Variants in DGKI observed in about 807,000 individuals in gnomAD.
DGKI encodes DAG kinase iota.
In DGKI, 55 loss-of-function variants were observed where a neutral mutation model predicts 147.5. The observed-to-expected ratio is 0.37, with a 90% CI of 0.30 to 0.47. DGKI has a LOEUF of 0.47. Ranked by LOEUF, DGKI falls within the 20% of genes least tolerant of loss-of-function variation. The pLI is 1.00. For synonymous variants in DGKI, 469 were observed against 477.1 expected (o/e 0.98, Z 0.22); for missense variants, 1,007 against 1,323.8 (o/e 0.76, Z 3.71).
chr7:137,714,276 C>CT (rs970084359), intron 1 of DGKI, among the ~76,000 whole-genome samples: 5 of 151,738 alleles, frequency 3.3e-5, no homozygotes, highest in African/African-American at 1.2e-4. Flanking sequence ...TTTTCTTTTC[C>CT]TTTCAAGGTT....
intron 1 of DGKI, among the ~76,000 whole-genome samples, chr7:137,796,943 T>A (rs965346047): frequency 6.6e-6 from 1 of 152,186 alleles, no homozygotes. Context: ...AAAGTATTAG[T>A]CTATACATCT....
Position 137,391,337 on chromosome 7 carries a change from C to A in DGKI, c.3058-1G>T. 6.4e-7 allele frequency: 1 copy of A among 1,552,656 alleles called. No homozygotes were observed. The highest frequency in any genetic ancestry group is 8.7e-7 in the Non-Finnish European group (1 of 1,154,216). On this transcript the variant is annotated splice_acceptor_variant, in intron 32 of 32. Transcript: ENST00000614521. LOFTEE classifies it high-confidence loss of function. Reference sequence around the variant, plus strand: ...GTGCTCTTTCTTGAGGTGTCTTACCCTATACGAAAATAGTGAGAAAAAAAA... The same window carrying A: ...GTGCTCTTTCTTGAGGTGTCTTACCATATACGAAAATAGTGAGAAAAAAAA...
At chr7:137,832,433 T>C (rs190615785) in intron 1 of DGKI, among the ~76,000 whole-genome samples, 28 of 152,300 alleles carry the variant, frequency 1.8e-4, no homozygotes, top group African/African-American at 6.3e-4. Context: ...CTCAACACCA[T>C]GTGGAAGTTT....
chr7:137,415,022 T>A (rs1045256652), intron 28 of DGKI, among the ~76,000 whole-genome samples: 4 of 152,190 alleles, frequency 2.6e-5, no homozygotes, highest in Non-Finnish European at 5.9e-5. Context: ...AAAAGACATA[T>A]GGACCTTCAG....
rs373755241 is a variant in DGKI, at chr7:137,523,310, T to C, written c.2148-1344A>G. Among the ~76,000 whole-genome samples, 16 of 152,202 alleles carry C rather than the reference T, an allele frequency of 1.1e-4. No individual in the cohort carries two copies. In the South Asian group the frequency reaches 2.9e-3, roughly 28 times the overall value. On this transcript the variant is annotated intron_variant, in intron 20 of 32. Transcript: ENST00000614521. ...TCTCATTCTGTTGTCTAAAGCCTCA[T>C]TTTAGTGCAAAGTATAGTAACTCCC...
rs576047287 is a variant in DGKI, at chr7:137,671,052, C to A, written c.606+7505G>T. On this transcript the variant is annotated intron_variant, in intron 3 of 32. Transcript: ENST00000614521. ...GAACCAGCATTTTCACAAGCTGCTGCCTGGTGCTCATTCTTCCTGAGATGA... is the reference window on the plus strand; with the variant it reads ...GAACCAGCATTTTCACAAGCTGCTGACTGGTGCTCATTCTTCCTGAGATGA... Among the ~76,000 whole-genome samples the A allele has an allele frequency of 3.6e-4, 55 of 152,300 alleles. 1 individual carries two copies. In the South Asian group the frequency reaches 0.011, roughly 30 times the overall value.
intron 6 of DGKI, among the ~76,000 whole-genome samples, chr7:137,644,696 A>G (rs1821765467): frequency 6.6e-6 from 1 of 152,222 alleles, no homozygotes; most frequent in African/African-American, 2.4e-5. Context: ...GATGACCATC[A>G]GCTTACTATT....
chr7:137,459,267 G>T (rs1179846325), intron 27 of DGKI, among the ~76,000 whole-genome samples: 1 of 152,046 alleles, frequency 6.6e-6, no homozygotes, highest in African/African-American at 2.4e-5. Flanking sequence ...ATGGGAAAAT[G>T]CTGAGAAGAT....
At chr7:137,478,374 A>T (rs1313425486) in intron 23 of DGKI, among the ~76,000 whole-genome samples, 1 of 152,236 alleles carries the variant, frequency 6.6e-6, no homozygotes, top group Non-Finnish European at 1.5e-5. Flanking sequence ...TTTCTTCCGT[A>T]CGCAGGGTAC....
At chr7:137,650,163 C>G (rs1821974349) in intron 5 of DGKI, among the ~76,000 whole-genome samples, 1 of 152,042 alleles carries the variant, frequency 6.6e-6, no homozygotes, top group African/African-American at 2.4e-5. Flanking sequence ...TCAAAATGTC[C>G]TTTTAGACTA....
intron 1 of DGKI, among the ~76,000 whole-genome samples, chr7:137,794,648 A>T (rs1430840154): frequency 2.0e-5 from 3 of 152,232 alleles, no homozygotes; most frequent in African/African-American, 7.2e-5. Context: ...CCATACTTCA[A>T]GTAGCAAGTG....
At chr7:137,486,912 C>A (rs878938647) in intron 22 of DGKI, among the ~76,000 whole-genome samples, 1 of 151,470 alleles carries the variant, frequency 6.6e-6, no homozygotes, top group Non-Finnish European at 1.5e-5. Context: ...CATCTTTCAT[C>A]AAAAAAAATG....
At chr7:137,661,384 CCA>C (rs1253853796) in intron 3 of DGKI, among the ~76,000 whole-genome samples, 1 of 152,102 alleles carries the variant, frequency 6.6e-6, no homozygotes, top group Non-Finnish European at 1.5e-5. Context: ...AGCTATGAGG[CCA>C]CAGTGAGCAA....
intron 1 of DGKI, among the ~76,000 whole-genome samples, chr7:137,802,391 T>C (rs946460989): frequency 5.9e-5 from 9 of 152,164 alleles, no homozygotes; most frequent in African/African-American, 1.4e-4. Flanking sequence ...TTAAAATGAT[T>C]TTTAATATCT....
chr7:137,464,417 T>C (rs1005718726), intron 26 of DGKI, among the ~76,000 whole-genome samples: 9 of 152,136 alleles, frequency 5.9e-5, no homozygotes, highest in African/African-American at 1.9e-4. Context: ...CTGCTGCTTC[T>C]GCAGTAGGAC....
chr7:137,422,341 A>G lies in DGKI; in HGVS notation c.2762-10134T>C, dbSNP rs1183911330. ...TTAAAATACCTTCTGGAAAATCTCTATAACTCAATATCAATTCTTTCTCTA... is the reference window on the plus strand; with the variant it reads ...TTAAAATACCTTCTGGAAAATCTCTGTAACTCAATATCAATTCTTTCTCTA... On this transcript the variant is annotated intron_variant, in intron 28 of 32. Transcript: ENST00000614521. Among the ~76,000 whole-genome samples, 41 of 152,196 alleles carry G rather than the reference A, an allele frequency of 2.7e-4. 1 individual carries two copies. Among genetic ancestry groups the G allele is most frequent in the Admixed American group, 2.7e-3 (41 of 15,290 alleles).
At chr7:137,444,047 A>G in intron 28 of DGKI, 30 bp downstream of exon 28, 4 of 1,545,702 alleles carry the variant, frequency 2.6e-6, no homozygotes, top group South Asian at 1.2e-5. Context: ...TCAATCCTGA[A>G]TTGGTATAAA....
chr7:137,745,791 C>A (rs1264069222), intron 1 of DGKI, among the ~76,000 whole-genome samples: 1 of 152,066 alleles, frequency 6.6e-6, no homozygotes, highest in East Asian at 1.9e-4. Flanking sequence ...GAAAAAAAAA[C>A]ATATGCTGAG....
chr7:137,521,707 C>T (rs1282342363), intron 21 of DGKI, among the ~76,000 whole-genome samples, 159 bp downstream of exon 21: 1 of 152,126 alleles, frequency 6.6e-6, no homozygotes, highest in East Asian at 1.9e-4. Flanking sequence ...GTAGCCCATA[C>T]ATTATCACTT....
Sources: allele counts gnomAD v4.1 joint callset (sites outside exome capture counted in the v4.1 genomes callset), GRCh38; gene constraint gnomAD v4.1.1; transcripts MANE v1.5; gene names NCBI Gene and HGNC (gene_info 2026-07-23, HGNC 2026-07-21).